The following AGBL3 variants were observed in gnomAD, a reference collection of about 807,000 sequenced individuals.
AGBL3 encodes AGBL carboxypeptidase 3.
A neutral mutation model predicts 94.5 loss-of-function variants in AGBL3; 68 were observed. The ratio of observed to expected loss-of-function variants is 0.72; its 90% confidence interval spans 0.59 to 0.88. The LOEUF (loss-of-function observed/expected upper bound fraction) is 0.88. Among genes scored for constraint, AGBL3 ranks in the 40% least tolerant of loss-of-function variants. The pLI, the probability that AGBL3 is intolerant of heterozygous loss-of-function variation, is 0.00. For missense variants in AGBL3, 934 were observed against 1,103.8 expected (o/e 0.85, Z 2.18); for synonymous variants, 354 against 370.7 (o/e 0.95, Z 0.52).
intron 2 of AGBL3, 51 bp from the exon 3 acceptor site, chr7:134,989,199 T>A: frequency 7.2e-7 from 1 of 1,382,236 alleles, no homozygotes; most frequent in South Asian, 1.3e-5. Flanking sequence ...AATTCTGGAT[T>A]TGAAAACTGT....
At chr7:135,043,690 T>C (rs1031591911) in intron 8 of AGBL3, among the ~76,000 whole-genome samples, 5 of 152,272 alleles carry the variant, frequency 3.3e-5, no homozygotes, top group African/African-American at 1.2e-4. Context: ...ATATCTCATG[T>C]ACACCCTGTA....
intron 12 of AGBL3, among the ~76,000 whole-genome samples, chr7:135,060,325 A>C (rs1818713588): frequency 6.6e-6 from 1 of 152,170 alleles, no homozygotes; most frequent in Admixed American, 6.5e-5. Context: ...GTTTTGAAAT[A>C]TGTACACATT....
intron 12 of AGBL3, among the ~76,000 whole-genome samples, chr7:135,065,024 G>A (rs867890890): frequency 3.3e-5 from 5 of 152,206 alleles, no homozygotes; most frequent in African/African-American, 1.2e-4. Flanking sequence ...TTCTCTTGGT[G>A]TTAAAATGAC....
intron 16 of AGBL3, chr7:135,129,311 TC>T: frequency 7.1e-7 from 1 of 1,417,790 alleles, no homozygotes; most frequent in Non-Finnish European, 1.0e-6. Flanking sequence ...ATGGGGTCTC[TC>T]CATGTAAGGT....
At chr7:135,096,842 G>T (rs913209938) in intron 15 of AGBL3, among the ~76,000 whole-genome samples, 1 of 152,086 alleles carries the variant, frequency 6.6e-6, no homozygotes, top group African/African-American at 2.4e-5. Context: ...ATGACTGGCG[G>T]AAGAACATAT....
chr7:135,071,381 T>A (rs936625833), intron 12 of AGBL3, among the ~76,000 whole-genome samples: 2 of 152,106 alleles, frequency 1.3e-5, no homozygotes, highest in African/African-American at 4.8e-5. Context: ...AAGTTACCAA[T>A]GACTTTCTTC....
chr7:135,053,803 T>C (rs1382494458), intron 11 of AGBL3, among the ~76,000 whole-genome samples: 1 of 152,138 alleles, frequency 6.6e-6, no homozygotes, highest in Non-Finnish European at 1.5e-5. Context: ...ATAAAAACAT[T>C]TCTAATAAAT....
chr7:135,103,879 T>A lies in AGBL3; in HGVS notation c.2111-11501T>A, dbSNP rs1474822041. 2.0e-5 allele frequency among the ~76,000 whole-genome samples: 3 copies of A among 152,166 alleles called. No individual in the cohort carries two copies. In the East Asian group the frequency reaches 5.8e-4, roughly 29 times the overall value. ...TTTTCTTCAACTGCTTCAACTGCTT[T>A]ATTTTTTTTTAATGTAAGGATGTTC... On this transcript the variant is annotated intron_variant, in intron 15 of 16. Transcript: ENST00000436302.
chr7:135,060,737 T>G (rs1488051161), intron 12 of AGBL3, among the ~76,000 whole-genome samples: 1 of 152,186 alleles, frequency 6.6e-6, no homozygotes, highest in Non-Finnish European at 1.5e-5. Context: ...TTTCCTTCTT[T>G]TTAAAGGCTG....
chr7:135,101,834 A>G lies in AGBL3; in HGVS notation c.2111-13546A>G, dbSNP rs192806356. Among the ~76,000 whole-genome samples the G allele has an allele frequency of 2.3e-3, 344 of 152,266 alleles. 1 individual carries two copies. The highest frequency in any genetic ancestry group is 7.6e-3 in the African/African-American group (315 of 41,548). On this transcript the variant is annotated intron_variant, in intron 15 of 16. Transcript: ENST00000436302. ...AATCTCATCTTCAATTATAGCTCCC[A>G]TAATTCCCACATGTTGTGGGAGGGA...
intron 15 of AGBL3, among the ~76,000 whole-genome samples, chr7:135,109,909 C>T (rs552168529): frequency 6.6e-6 from 1 of 152,326 alleles, no homozygotes; most frequent in South Asian, 2.1e-4. Flanking sequence ...CAGGGAGGCT[C>T]TGAACCACTG....
chr7:135,009,930 G>A, intron 4 of AGBL3: 3 of 374,110 alleles, frequency 8.0e-6, no homozygotes, highest in South Asian at 5.9e-5. Context: ...GGAGCATTTG[G>A]TTGCCCTGCA....
At chr7:135,023,737 G>A (rs550724236) in intron 5 of AGBL3, among the ~76,000 whole-genome samples, 59 of 152,338 alleles carry the variant, frequency 3.9e-4, no homozygotes, top group African/African-American at 1.4e-3. Flanking sequence ...ACTGGGGCAT[G>A]TCTGTTCTTC....
rs533184454 is a variant in AGBL3, at chr7:135,017,969, G to A, written c.418+810G>A. Among the ~76,000 whole-genome samples, 191 of 152,272 alleles carry A rather than the reference G, an allele frequency of 1.3e-3. 3 individuals carry two copies. Among genetic ancestry groups the A allele is most frequent in the African/African-American group, 4.5e-3 (189 of 41,554 alleles). ...GAACTGCCATACATAACTGAAATGA[G>A]ATCTGATTTAGAAAAAACTAAAATA... On this transcript the variant is annotated intron_variant, in intron 5 of 16. Transcript: ENST00000436302.
At chr7:135,123,670 G>A (rs1827457123) in intron 16 of AGBL3, among the ~76,000 whole-genome samples, 1 of 152,148 alleles carries the variant, frequency 6.6e-6, no homozygotes, top group Non-Finnish European at 1.5e-5. Flanking sequence ...ACAAAGGGAA[G>A]CCCATCAGAC....
chr7:134,998,258 G>A (rs1811254784), intron 4 of AGBL3, among the ~76,000 whole-genome samples: 1 of 152,146 alleles, frequency 6.6e-6, no homozygotes. Context: ...CCAGAGCAAT[G>A]CCACTCAAGT....
chr7:135,123,004 A>G (rs113760167), intron 16 of AGBL3, among the ~76,000 whole-genome samples: 57 of 151,514 alleles, frequency 3.8e-4, no homozygotes, highest in Admixed American at 6.6e-4. Context: ...AATGATCGCA[A>G]TGTATCTCCA....
rs1156237971 is a variant in AGBL3, at chr7:134,993,633, TG to T, written c.267del (p.Trp89CysfsTer31). Reference sequence around the variant, plus strand: ...TTCTGGTCCATTGAGCCCAACACGGTGGCCATACCATTGTGAAGTCATCGAT... The same window carrying T: ...TTCTGGTCCATTGAGCCCAACACGGTGCCATACCATTGTGAAGTCATCGAT... Reference protein sequence around the residue: ...SSSGPLSPTRWPYHCEVIDEK... With the variant: ...SSSGPLSPTRXPYHCEVIDEK... On this transcript the variant is annotated frameshift_variant, in exon 4 of 17. Transcript: ENST00000436302. LOFTEE classifies it high-confidence loss of function. The T allele has an allele frequency of 1.9e-6, 3 of 1,551,968 alleles. No individual in the cohort carries two copies. The highest frequency in any genetic ancestry group is 2.6e-6 in the Non-Finnish European group (3 of 1,147,046).
chr7:135,034,518 C>CT lies in AGBL3; in HGVS notation c.927_928insT (p.Leu310SerfsTer6). The CT allele has an allele frequency of 6.4e-7, 1 of 1,551,926 alleles. No individual in the cohort carries two copies. Among genetic ancestry groups the CT allele is most frequent in the East Asian group, 2.4e-5 (1 of 40,928 alleles). ...ACACTTACACCAACCTGCAAGAATA[C>CT]CTTTCTGGCATCAATAATGATCCAG... On this transcript the variant is annotated frameshift_variant, in exon 7 of 17. Transcript: ENST00000436302. LOFTEE classifies it high-confidence loss of function.
Sources: allele counts gnomAD v4.1 joint callset (sites outside exome capture counted in the v4.1 genomes callset), GRCh38; gene constraint gnomAD v4.1.1; transcripts MANE v1.5; gene names NCBI Gene and HGNC (gene_info 2026-07-23, HGNC 2026-07-21).